The following AKAP17A variants were observed in gnomAD, a reference collection of about 807,000 sequenced individuals.
AKAP17A encodes A-kinase anchor protein 17A.
AKAP17A carries 15 observed loss-of-function variants against 52.2 expected under a neutral mutation model. The ratio of observed to expected loss-of-function variants is 0.29; its 90% CI spans 0.19 to 0.44. The LOEUF is 0.44. AKAP17A is among the 20% of genes least tolerant of loss of function. AKAP17A has a pLI of 1.00. For synonymous variants in AKAP17A, 514 were observed against 424.7 expected (o/e 1.21, Z -2.58); for missense variants, 1,060 against 1,007.0 (o/e 1.05, Z -0.71).
At position 1,599,355 on chromosome X, in the gene AKAP17A, G is replaced by A; in HGVS notation, c.1075G>A (p.Glu359Lys). The change falls in exon 4 of 5, where the codon GAG (glutamate) becomes AAG (lysine). Residue 359 changes from glutamate to lysine, a missense_variant. Transcript: ENST00000313871. ...GCAGCTGCAGGAGAAGATCAAGCTG[G>A]AGGAGCGCAAGCTGCTGCTGGCCCA... ...QKQLQEKIKL[E>K]ERKLLLAQRN... 6.3e-7 allele frequency: 1 copy of A among 1,594,758 alleles called. No homozygotes were observed. The highest frequency in any genetic ancestry group is 8.5e-7 in the Non-Finnish European group (1 of 1,171,716).
intron 3 of AKAP17A, among the ~76,000 whole-genome samples, chrX:1,598,171 G>T (rs1380685064): frequency 6.6e-6 from 1 of 152,088 alleles, no homozygotes; most frequent in East Asian, 1.9e-4. Flanking sequence ...GCCCTGAGCC[G>T]CCCTCCGAGC....
intron 1 of AKAP17A, 52 bp downstream of exon 1, chrX:1,591,821 C>G (rs2092754644): frequency 6.7e-6 from 1 of 149,672 alleles, no homozygotes; most frequent in South Asian, 2.1e-4. Context: ...GCGAACGCTT[C>G]GCTCCTAGGG....
In AKAP17A at chrX:1,601,432, C is replaced by T. The variant is rs1474562913; in HGVS notation, c.1926C>T (p.Asp642=). The change falls in exon 5 of 5, where the codon GAC becomes GAT. Residue 642 remains aspartate, a synonymous_variant. Transcript: ENST00000313871. The part of the protein sequence containing the change: ...DSPRRRSTSP[D]HTRSRRSHSK... ...CCCGCCGGCGCAGCACGAGCCCGGACCACACCCGGTCCCGGAGGTCCCACA... is the reference window on the plus strand; with the variant it reads ...CCCGCCGGCGCAGCACGAGCCCGGATCACACCCGGTCCCGGAGGTCCCACA... The T allele has an allele frequency of 1.9e-6, 3 of 1,572,924 alleles. No homozygotes were observed. The highest frequency in any genetic ancestry group is 4.5e-5 in the East Asian group (2 of 44,376).
At chrX:1,592,131 C>G (rs1932848722) in intron 1 of AKAP17A, among the ~76,000 whole-genome samples, 1 of 151,134 alleles carries the variant, frequency 6.6e-6, no homozygotes, top group Non-Finnish European at 1.5e-5. Context: ...GGGGACGTGG[C>G]GCTGCGGTCG....
chrX:1,596,454 C>A (rs1932986135), intron 3 of AKAP17A, among the ~76,000 whole-genome samples: 1 of 106,188 alleles, frequency 9.4e-6, no homozygotes, highest in East Asian at 2.7e-4. Flanking sequence ...TCCTCCATCC[C>A]TCCCACCCTC....
chrX:1,593,963 GA>G lies in AKAP17A; in HGVS notation c.503del (p.Lys168SerfsTer32). 1 of 1,603,114 alleles carries G rather than the reference GA, an allele frequency of 6.2e-7. No individual in the cohort carries two copies. The highest frequency in any genetic ancestry group is 8.5e-7 in the Non-Finnish European group (1 of 1,173,518). ...WFALKESGSE[K>X]PSEDVLVKVF... The stretch of plus-strand genomic sequence containing the variant: ...TCGCCCTGAAGGAGTCGGGCTCCGA[GA>G]AGCCCAGCGAGGACGTCCTGGTCAA... On this transcript the variant is annotated frameshift_variant, in exon 2 of 5. Transcript: ENST00000313871. LOFTEE classifies it high-confidence loss of function.
At position 1,601,236 on chromosome X, in the gene AKAP17A, A is replaced by G; in HGVS notation, c.1730A>G (p.Asp577Gly). ...AGAAAGGACACCCGGTCAGAACAGG[A>G]CAAGTGCAACCGGGAGCCCAGCAAG... ...VSRKDTRSEQ[D>G]KCNREPSKGR... The change falls in exon 5 of 5, where the codon GAC becomes GGC. Residue 577 changes from aspartate (D) to glycine (G), a missense_variant. By Grantham distance (94) the Asp-to-Gly change is moderately conservative. Around this residue, in one of 2 missense-constraint regions of AKAP17A, gnomAD observed 793 missense variants for 629.9 expected, o/e 1.26. Coordinates refer to ENST00000313871, the MANE Select transcript of AKAP17A (RefSeq NM_005088.3). 6.2e-7 allele frequency: 1 copy of G among 1,613,856 alleles called. No homozygotes were observed. The highest frequency in any genetic ancestry group is 1.1e-5 in the South Asian group (1 of 91,080).
rs1426829137 is a variant in AKAP17A at position 1,595,537 on chromosome X, C to G, written c.911+5C>G. 2 of 1,613,544 alleles carry G rather than the reference C, an allele frequency of 1.2e-6. No homozygotes were observed. Among genetic ancestry groups the G allele is most frequent in the Admixed American group, 1.7e-5 (1 of 59,994 alleles). On this transcript the variant is annotated splice_donor_5th_base_variant and intron_variant, in intron 3 of 4. Transcript: ENST00000313871. ...GAGGCAGCGAGCGGAGGAAAGGTAC[C>G]TTCTGCGGGAGCGGGCCCTCGGCGC...
In AKAP17A at chrX:1,602,285, G is replaced by C. The variant is rs745823403; in HGVS notation, c.*691G>C. 2.0e-5 allele frequency: 3 copies of C among 152,144 alleles called. No homozygotes were observed. The highest frequency in any genetic ancestry group is 2.9e-5 in the Non-Finnish European group (2 of 68,030). 9.4% of individuals were successfully genotyped at this position (152,144 alleles called of 1,614,324 possible). ...TAAAAAAGATTGGTTAAAAGCTTTGGTTTCTAGTAAAGGTTAGTGTGTGTG... is the reference window on the plus strand; with the variant it reads ...TAAAAAAGATTGGTTAAAAGCTTTGCTTTCTAGTAAAGGTTAGTGTGTGTG... On this transcript the variant is annotated 3_prime_UTR_variant, in exon 5 of 5. Transcript: ENST00000313871.
chrX:1,596,975 G>A (rs1459836450), intron 3 of AKAP17A, among the ~76,000 whole-genome samples: 13 of 151,032 alleles, frequency 8.6e-5, no homozygotes, highest in South Asian at 2.1e-4. Flanking sequence ...GTCCTCTGAC[G>A]ACTTTGGTGC....
At chrX:1,597,646 T>C (rs1933078814) in intron 3 of AKAP17A, among the ~76,000 whole-genome samples, 2 of 151,228 alleles carry the variant, frequency 1.3e-5, no homozygotes, top group East Asian at 3.9e-4. Context: ...ACTCAGAGCC[T>C]CGGACCTCTC....
Position 1,601,454 on chromosome X carries a change from C to T in AKAP17A, c.1948C>T (p.His650Tyr), listed in dbSNP as rs1262967892. 2 of 1,574,198 alleles carry T rather than the reference C, an allele frequency of 1.3e-6. No homozygotes were observed. Among genetic ancestry groups the T allele is most frequent in the African/African-American group, 1.3e-5 (1 of 74,174 alleles). The change falls in exon 5 of 5, where the codon CAC (histidine) becomes TAC (tyrosine). Residue 650 changes from histidine (H) to tyrosine (Y), a missense_variant. Around this residue, in one of 2 missense-constraint regions of AKAP17A, gnomAD observed 793 missense variants for 629.9 expected, o/e 1.26. Transcript: ENST00000313871. ...SPDHTRSRRS[H>Y]SKDRHRRERS... ...GGACCACACCCGGTCCCGGAGGTCC[C>T]ACAGCAAAGACAGGCACCGGAGGGA...
rs1327626708 is a variant in AKAP17A at position 1,601,573 on chromosome X, C to A, written c.2067C>A (p.His689Gln). The change falls in exon 5 of 5, where the codon CAC becomes CAA. Residue 689 changes from histidine to glutamine, a missense_variant. By Grantham distance (24) the His-to-Gln change is conservative. Transcript: ENST00000313871. Reference sequence around the variant, plus strand: ...CGCGCTCCCGGTCCCCGAGCAGGCACCGCAGTACCTGGAACAGGTAATGAC... The same window carrying A: ...CGCGCTCCCGGTCCCCGAGCAGGCAACGCAGTACCTGGAACAGGTAATGAC... The part of the protein sequence containing the change: ...ERSRSRSPSR[H>Q]RSTWNR The A allele has an allele frequency of 2.1e-6, 3 of 1,454,188 alleles. No individual in the cohort carries two copies. In the African/African-American group the frequency reaches 4.3e-5, roughly 21 times the overall value. 90.1% of individuals were successfully genotyped at this position (1,454,188 alleles called of 1,614,324 possible). A position where few individuals can be genotyped will look rare whatever the true frequency, so the allele number is the denominator to read the frequency against.
In AKAP17A at chrX:1,594,092, G is replaced by A; in HGVS notation, c.630G>A (p.Gly210=). 1 of 1,613,698 alleles carries A rather than the reference G, an allele frequency of 6.2e-7. No homozygotes were observed. The highest frequency in any genetic ancestry group is 8.5e-7 in the Non-Finnish European group (1 of 1,179,780). The change falls in exon 2 of 5, where the codon GGG becomes GGA. Residue 210 remains glycine (G), a synonymous_variant. Transcript: ENST00000313871. ...GCAACTTCCACACCTTCAGTTTCGG[G>A]GGGCACTTGAACTTCGAGGCCTATG... ...TGRNFHTFSF[G]GHLNFEAYVQ...
chrX:1,597,879 G>C (rs1409634082), intron 3 of AKAP17A, among the ~76,000 whole-genome samples: 1 of 152,018 alleles, frequency 6.6e-6, no homozygotes, highest in African/African-American at 2.4e-5. Context: ...CCAGAGCCCC[G>C]GGGAGGGGCA....
chrX:1,594,261 C>T (rs1158835169), intron 2 of AKAP17A, 37 bp downstream of exon 2: 4 of 1,499,528 alleles, frequency 2.7e-6, no homozygotes, highest in African/African-American at 2.8e-5. Context: ...CGCGCTTCCT[C>T]CCTCTGGCGA....
At chrX:1,596,694 A>G (rs1345815988) in intron 3 of AKAP17A, among the ~76,000 whole-genome samples, 1 of 21,312 alleles carries the variant, frequency 4.7e-5, no homozygotes, top group African/African-American at 2.4e-4. Context: ...CATCCCTCCC[A>G]CCCTCCTAGT....
chrX:1,600,532 A>G, intron 4 of AKAP17A, 127 bp from the exon 5 acceptor site: 1 of 989,046 alleles, frequency 1.0e-6, no homozygotes. Flanking sequence ...CCTGGGCTGG[A>G]GTCCAGCCAG....
chrX:1,597,488 C>A (rs181718364), intron 3 of AKAP17A, among the ~76,000 whole-genome samples: 2 of 151,986 alleles, frequency 1.3e-5, no homozygotes, highest in Non-Finnish European at 2.9e-5. Flanking sequence ...GGGTTGAGTC[C>A]GGGTCCCCTG....
Sources: gnomAD v4.1 joint callset for allele counts (sites outside exome capture counted in the v4.1 genomes callset) on GRCh38, gnomAD v4.1.1 for gene constraint, gnomAD v4.1.1 regional missense constraint, MANE v1.5 for transcripts, NCBI Gene and HGNC (gene_info 2026-07-23, HGNC 2026-07-21) for gene names.